LRBA: variants seen among roughly 807,000 people sequenced by gnomAD.
LRBA encodes LPS responsive beige-like anchor protein, also known as lipopolysaccharide-responsive and beige-like anchor protein.
In LRBA, 176 loss-of-function variants were observed where a neutral mutation model predicts 330.0. The ratio of observed to expected loss-of-function variants is 0.53; its 90% CI spans 0.47 to 0.60. The LOEUF is 0.60. LRBA is among the 20% of genes least tolerant of loss of function. The probability of loss-of-function intolerance (pLI) is 0.00; values close to 1 mark genes in which losing one functional copy is unlikely to be tolerated. For synonymous variants in LRBA, 1,230 were observed against 1,193.0 expected, an observed-to-expected ratio of 1.03 and a Z score of -0.64; for missense variants, 3,259 against 3,444.8, an observed-to-expected ratio of 0.95 and a Z score of 1.35.
At chr4:150,573,929 A>T (rs562673975) in intron 40 of LRBA, among the ~76,000 whole-genome samples, 1 of 152,236 alleles carries the variant, frequency 6.6e-6, no homozygotes, top group South Asian at 2.1e-4. Flanking sequence ...GCACAATGTC[A>T]TTTCTCTAAG....
At position 150,415,464 on chromosome 4, in the gene LRBA, C is replaced by A. The variant is rs1350371569; in HGVS notation, c.7168G>T (p.Glu2390Ter). 1 of 1,613,606 alleles carries A rather than the reference C, an allele frequency of 6.2e-7. No individual in the cohort carries two copies. Among genetic ancestry groups the A allele is most frequent in the Non-Finnish European group, 8.5e-7 (1 of 1,179,730 alleles). The change falls in exon 47 of 57, where the codon GAA becomes TAA. Residue 2390 changes from glutamate (E) to a stop codon, truncating the protein, a stop_gained. Coordinates refer to ENST00000651943, the MANE Select transcript of LRBA (RefSeq NM_001364905.1). LOFTEE classifies it high-confidence loss of function. The stretch of plus-strand genomic sequence containing the variant: ...AATCTGTTTATGTGAACAAATTCTT[C>A]TGAGGTTTTGGCCCAAGGAGGAAGT... ...VELPPWAKTS[E>*]EFVHINRLAL...
At chr4:150,491,143 A>G in intron 40 of LRBA, 108 bp from the exon 41 acceptor site, 4 of 481,358 alleles carry the variant, frequency 8.3e-6, no homozygotes, top group Non-Finnish European at 1.5e-5. Flanking sequence ...ATAATTTTTA[A>G]GAAAAAGGAT....
intron 34 of LRBA, among the ~76,000 whole-genome samples, chr4:150,764,818 T>C (rs1213048651): frequency 6.6e-6 from 1 of 151,926 alleles, no homozygotes; most frequent in Non-Finnish European, 1.5e-5. Context: ...TCATTGCTGG[T>C]GGGAATGCAA....
At position 150,588,168 on chromosome 4, in the gene LRBA, G is replaced by T; in HGVS notation, c.6210C>A (p.Ser2070Arg). ...AGGGGGCCACAAGCTGAGCTGGTGT[G>T]CTCAGGCTAACAGGACCTGCCAAAA... ...LENLAGPVSLSTPAQLVAPSV... is the reference protein window; with the variant it reads ...LENLAGPVSLRTPAQLVAPSV... Residue 2070 changes from serine (S) to arginine (R), a missense_variant, in exon 40 of 57, where the codon AGC (serine) becomes AGA (arginine). By Grantham distance (110) the Ser-to-Arg change is moderately radical. Transcript: ENST00000651943. 6.2e-7 allele frequency: 1 copy of T among 1,602,740 alleles called. No individual in the cohort carries two copies. Among genetic ancestry groups the T allele is most frequent in the Non-Finnish European group, 8.5e-7 (1 of 1,175,782 alleles).
intron 40 of LRBA, among the ~76,000 whole-genome samples, chr4:150,528,220 T>C (rs2152190868): frequency 6.6e-6 from 1 of 152,094 alleles, no homozygotes; most frequent in East Asian, 1.9e-4. Flanking sequence ...GTGAGAAATA[T>C]GATGATAAAG....
chr4:150,694,555 G>T (rs1205830493), intron 36 of LRBA, among the ~76,000 whole-genome samples: 1 of 144,552 alleles, frequency 6.9e-6, no homozygotes, highest in Non-Finnish European at 1.5e-5. Context: ...GCAAACAAAA[G>T]TCAACCAATG....
chr4:150,710,340 A>C (rs1786057850), intron 36 of LRBA, among the ~76,000 whole-genome samples: 1 of 152,162 alleles, frequency 6.6e-6, no homozygotes, highest in South Asian at 2.1e-4. Flanking sequence ...GGGAATATAC[A>C]GTTTTAGAAA....
chr4:150,523,047 C>T (rs1475795222), intron 40 of LRBA, among the ~76,000 whole-genome samples: 3 of 152,168 alleles, frequency 2.0e-5, no homozygotes, highest in Non-Finnish European at 4.4e-5. Flanking sequence ...AGGCAACTTG[C>T]TAAGGCTAAA....
At chr4:150,291,840 T>C (rs1162383845) in intron 53 of LRBA, among the ~76,000 whole-genome samples, 2 of 151,720 alleles carry the variant, frequency 1.3e-5, no homozygotes, top group Non-Finnish European at 2.9e-5. Context: ...CCAACAACGA[T>C]AGACTGGATT....
chr4:150,389,529 C>T (rs1743580462), intron 47 of LRBA, among the ~76,000 whole-genome samples: 3 of 151,462 alleles, frequency 2.0e-5, no homozygotes, highest in African/African-American at 7.3e-5. Context: ...CAACACATGG[C>T]GAAACCCCAT....
intron 37 of LRBA, among the ~76,000 whole-genome samples, chr4:150,672,757 T>C (rs1782177027): frequency 6.6e-6 from 1 of 152,142 alleles, no homozygotes; most frequent in Non-Finnish European, 1.5e-5. Context: ...CAACAATCTG[T>C]TAAATTCTAA....
In LRBA at chr4:150,422,787, T is replaced by G. The variant is rs552056303; in HGVS notation, c.7042-7197A>C. On this transcript the variant is annotated intron_variant, in intron 46 of 56. Transcript: ENST00000651943. ...GCCAGCTGGGCACTGTTCTTTCTGGTAGACCTGCATGTGCTGCGGTTTGCC... is the reference window on the plus strand; with the variant it reads ...GCCAGCTGGGCACTGTTCTTTCTGGGAGACCTGCATGTGCTGCGGTTTGCC... 2.1e-6 allele frequency: 3 copies of G among 1,452,690 alleles called. No individual in the cohort carries two copies. The East Asian group carries it at 6.9e-5, about 33-fold the overall frequency. The allele number at this position is 1,452,690 out of a possible 1,614,324, so 90.0% of individuals were successfully genotyped here.
At chr4:150,444,427 G>T (rs1035973822) in intron 44 of LRBA, among the ~76,000 whole-genome samples, 4 of 151,970 alleles carry the variant, frequency 2.6e-5, no homozygotes, top group Non-Finnish European at 5.9e-5. Context: ...ACTGTTAGGG[G>T]GTGCAGCAAC....
chr4:150,561,070 A>G (rs1768266462), intron 40 of LRBA, among the ~76,000 whole-genome samples: 1 of 152,198 alleles, frequency 6.6e-6, no homozygotes, highest in Admixed American at 6.5e-5. Context: ...ACTAAAATTT[A>G]CCAAAACATA....
chr4:150,930,492 C>CA (rs572144858), intron 2 of LRBA, among the ~76,000 whole-genome samples: 171 of 148,596 alleles, frequency 1.2e-3, no homozygotes, highest in Non-Finnish European at 1.7e-3. Flanking sequence ...GACTCCATCT[C>CA]AAAAAAAAAT....
chr4:150,835,962 TGA>T (rs1747987991), intron 28 of LRBA, among the ~76,000 whole-genome samples: 1 of 152,180 alleles, frequency 6.6e-6, no homozygotes, highest in Admixed American at 6.5e-5. Context: ...CTTATTATTT[TGA>T]GATACGTCCC....
At chr4:150,270,286 C>G (rs1358971446) in intron 56 of LRBA, among the ~76,000 whole-genome samples, 1 of 152,192 alleles carries the variant, frequency 6.6e-6, no homozygotes, top group East Asian at 1.9e-4. Context: ...CAGCATTACT[C>G]ACCATAGCCA....
At chr4:150,900,902 A>G (rs1730649754) in intron 13 of LRBA, among the ~76,000 whole-genome samples, 1 of 152,216 alleles carries the variant, frequency 6.6e-6, no homozygotes, top group African/African-American at 2.4e-5. Context: ...AAAAAAATAC[A>G]TAAGAAGTTA....
chr4:150,452,835 G>A (rs1332237360), intron 44 of LRBA, among the ~76,000 whole-genome samples: 1 of 152,056 alleles, frequency 6.6e-6, no homozygotes, highest in African/African-American at 2.4e-5. Flanking sequence ...TCTACAAAAA[G>A]GCTGCTAGTA....
Sources: allele counts gnomAD v4.1 joint callset (sites outside exome capture counted in the v4.1 genomes callset), GRCh38; gene constraint gnomAD v4.1.1; transcripts MANE v1.5; gene names NCBI Gene and HGNC (gene_info 2026-07-23, HGNC 2026-07-21).